BICD1: variants seen among roughly 807,000 people sequenced by gnomAD.
BICD1 encodes BICD cargo adaptor 1.
A neutral mutation model predicts 92.5 loss-of-function variants in BICD1; 35 were observed. The observed-to-expected ratio is 0.38, with a 90% CI of 0.29 to 0.50. The LOEUF is 0.50. BICD1 is among the 20% of genes least tolerant of loss of function. The probability of loss-of-function intolerance (pLI) is 0.93; values close to 1 mark genes in which losing one functional copy is unlikely to be tolerated. For missense variants in BICD1, 950 were observed against 1,189.8 expected, an observed-to-expected ratio of 0.80 and a Z score of 2.97; for synonymous variants, 429 against 465.1, an observed-to-expected ratio of 0.92 and a Z score of 1.00.
chr12:32,225,619 C>A (rs76815792), intron 2 of BICD1, among the ~76,000 whole-genome samples: 1 of 29,230 alleles, frequency 3.4e-5, no homozygotes, highest in African/African-American at 1.1e-4. Flanking sequence ...TTCTTTTTTT[C>A]TGTTTTTTTT....
chr12:32,343,337 T>TCCTCTTCCTCCTCCGTCC (rs1394803459), intron 8 of BICD1, among the ~76,000 whole-genome samples: 1 of 151,928 alleles, frequency 6.6e-6, no homozygotes, highest in Non-Finnish European at 1.5e-5. Flanking sequence ...CGTCCCCTCT[T>TCCTCTTCCTCCTCCGTCC]CCTCTTCCTC....
intron 1 of BICD1, among the ~76,000 whole-genome samples, chr12:32,192,381 C>T (rs1328879739): frequency 6.7e-6 from 1 of 148,318 alleles, no homozygotes; most frequent in African/African-American, 2.6e-5. Context: ...TTGCAGTGAG[C>T]TAAGATCGTG....
chr12:32,360,366 T>A (rs1387754523), intron 8 of BICD1, among the ~76,000 whole-genome samples: 1 of 152,162 alleles, frequency 6.6e-6, no homozygotes, highest in Admixed American at 6.5e-5. Context: ...CCTATATATG[T>A]CAGAAGAAGA....
At chr12:32,235,735 C>T (rs1946049630) in intron 2 of BICD1, among the ~76,000 whole-genome samples, 1 of 146,890 alleles carries the variant, frequency 6.8e-6, no homozygotes, top group Non-Finnish European at 1.5e-5. Flanking sequence ...GAGTCTCGAT[C>T]AGCCACCCAG....
chr12:32,260,300 T>C (rs1385415733), intron 2 of BICD1, among the ~76,000 whole-genome samples: 2 of 152,210 alleles, frequency 1.3e-5, no homozygotes, highest in East Asian at 3.8e-4. Context: ...GATGCAGATT[T>C]CTGGCTTCTT....
chr12:32,273,501 T>C (rs1947196448), intron 2 of BICD1, among the ~76,000 whole-genome samples: 1 of 152,076 alleles, frequency 6.6e-6, no homozygotes, highest in African/African-American at 2.4e-5. Context: ...ATGCATGATA[T>C]CTGTTTTCAG....
At chr12:32,284,440 C>T (rs574685254) in intron 2 of BICD1, among the ~76,000 whole-genome samples, 119 of 152,150 alleles carry the variant, frequency 7.8e-4, no homozygotes, top group African/African-American at 2.6e-3. Context: ...GGCCATTGTT[C>T]CTTACTCTTT....
chr12:32,146,607 G>A (rs1043190645), intron 1 of BICD1, among the ~76,000 whole-genome samples: 1 of 152,186 alleles, frequency 6.6e-6, no homozygotes, highest in African/African-American at 2.4e-5. Flanking sequence ...ATTAAGTAGA[G>A]GAAGAAGGAA....
At chr12:32,191,119 G>T (rs1944551652) in intron 1 of BICD1, among the ~76,000 whole-genome samples, 1 of 152,082 alleles carries the variant, frequency 6.6e-6, no homozygotes, top group South Asian at 2.1e-4. Context: ...AGGGATAAAG[G>T]CCTACATTCG....
intron 1 of BICD1, among the ~76,000 whole-genome samples, chr12:32,208,859 T>C (rs1399443039): frequency 2.0e-5 from 3 of 151,980 alleles, no homozygotes; most frequent in Admixed American, 6.6e-5. Context: ...GTATCTCACG[T>C]TGTTGCCCAG....
At chr12:32,178,528 G>A (rs1944183792) in intron 1 of BICD1, among the ~76,000 whole-genome samples, 1 of 152,030 alleles carries the variant, frequency 6.6e-6, no homozygotes, top group African/African-American at 2.4e-5. Flanking sequence ...AGCCAAGATA[G>A]GGCAGGAATG....
intron 9 of BICD1, among the ~76,000 whole-genome samples, chr12:32,376,654 G>A (rs1454934674): frequency 1.3e-5 from 2 of 151,940 alleles, no homozygotes; most frequent in Admixed American, 6.6e-5. Flanking sequence ...GATCACCAGA[G>A]GTCAGGAGTT....
chr12:32,243,876 A>G (rs1044832431), intron 2 of BICD1, among the ~76,000 whole-genome samples: 1 of 152,142 alleles, frequency 6.6e-6, no homozygotes. Context: ...ATTTAGTTTG[A>G]TGTGTGGAAC....
chr12:32,359,821 AAG>A (rs1939252922), intron 8 of BICD1, among the ~76,000 whole-genome samples: 1 of 152,182 alleles, frequency 6.6e-6, no homozygotes, highest in Non-Finnish European at 1.5e-5. Context: ...GATAATAACT[AAG>A]AGTCTCATCA....
chr12:32,326,650 A>G (rs261894), intron 4 of BICD1, among the ~76,000 whole-genome samples: 125,274 of 152,220 alleles, frequency 0.82, 51,727 homozygotes, highest in East Asian at 0.87. Flanking sequence ...TTTGGGAGGC[A>G]GAGGCAGGGG....
rs1455675362 is a variant in BICD1 at position 32,336,745 on chromosome 12, CTG to C, written c.2253-752_2253-751del. Among the ~76,000 whole-genome samples the C allele has an allele frequency of 1.3e-4, 20 of 152,288 alleles. No individual in the cohort carries two copies. The South Asian group carries it at 3.3e-3, about 25-fold the overall frequency. On this transcript the variant is annotated intron_variant, in intron 6 of 9. Transcript: ENST00000652176. ...ATAGTGGACATTGTGTGAGACTTGA[CTG>C]TTATTCGTCTGTTACACAGCAGCCC...
intron 1 of BICD1, among the ~76,000 whole-genome samples, chr12:32,165,617 G>A (rs1284762555): frequency 6.6e-6 from 1 of 151,506 alleles, no homozygotes; most frequent in African/African-American, 2.4e-5. Flanking sequence ...CCAGGGAGTC[G>A]GAGATTGCAG....
chr12:32,330,860 C>A (rs911601860), intron 5 of BICD1, among the ~76,000 whole-genome samples: 1 of 152,154 alleles, frequency 6.6e-6, no homozygotes, highest in South Asian at 2.1e-4. Context: ...TAGGTCTGGG[C>A]GCAATGGCTC....
chr12:32,315,934 G>A (rs772784120), intron 4 of BICD1, among the ~76,000 whole-genome samples: 14 of 151,886 alleles, frequency 9.2e-5, no homozygotes, highest in Non-Finnish European at 2.1e-4. Flanking sequence ...TCGGGAGTTC[G>A]AGACCAGCCT....
Sources: gnomAD v4.1 joint callset for allele counts (sites outside exome capture counted in the v4.1 genomes callset) on GRCh38, gnomAD v4.1.1 for gene constraint, MANE v1.5 for transcripts, NCBI Gene and HGNC (gene_info 2026-07-23, HGNC 2026-07-21) for gene names.